Variants in BMPR2 observed in about 807,000 individuals in gnomAD.
BMPR2 encodes the protein bone morphogenetic protein receptor type-2.
BMPR2 carries 29 observed loss-of-function variants against 100.8 expected under a neutral mutation model. The ratio of observed to expected loss-of-function variants is 0.29; its 90% CI spans 0.21 to 0.39. BMPR2 has a LOEUF of 0.39. BMPR2 is among the 10% of genes least tolerant of loss of function. The pLI, the probability that BMPR2 is intolerant of heterozygous loss-of-function variation, is 1.00. For synonymous variants in BMPR2, 382 were observed against 442.3 expected, an observed-to-expected ratio of 0.86 and a Z score of 1.71; for missense variants, 1,011 against 1,274.5, an observed-to-expected ratio of 0.79 and a Z score of 3.15.
intron 1 of BMPR2, among the ~76,000 whole-genome samples, chr2:202,382,281 A>G (rs577054829): frequency 6.6e-6 from 1 of 152,152 alleles, no homozygotes; most frequent in South Asian, 2.1e-4. Flanking sequence ...GCCGGTCTCG[A>G]ACTCCTGATC....
intron 2 of BMPR2, 101 bp downstream of exon 2, chr2:202,465,080 G>A: frequency 6.8e-7 from 1 of 1,469,566 alleles, no homozygotes; most frequent in Non-Finnish European, 9.4e-7. Flanking sequence ...CAGAAAAACA[G>A]TGAATTTAAA....
At chr2:202,440,722 G>T (rs1217572824) in intron 1 of BMPR2, among the ~76,000 whole-genome samples, 3 of 150,462 alleles carry the variant, frequency 2.0e-5, no homozygotes, top group Non-Finnish European at 4.4e-5. Flanking sequence ...AGGCAGGGAG[G>T]TTGCAGTGAG....
Position 202,376,597 on chromosome 2 carries a change from G to A in BMPR2, c.-878G>A, listed in dbSNP as rs1466363523. ...TTGTGATTCGCTCACAGGAGCCATTGACGGGAGAAGAGGAGGCTTTCTTGG... is the reference window on the plus strand; with the variant it reads ...TTGTGATTCGCTCACAGGAGCCATTAACGGGAGAAGAGGAGGCTTTCTTGG... On this transcript the variant is annotated 5_prime_UTR_variant, in exon 1 of 13. Transcript: ENST00000374580. 2.9e-5 allele frequency among the ~76,000 whole-genome samples: 4 copies of A among 140,148 alleles called. No individual in the cohort carries two copies. The East Asian group carries it at 8.6e-4, about 30-fold the overall frequency. The allele number at this position is 140,148 out of a possible 152,430, so 91.9% of individuals were successfully genotyped here.
At chr2:202,535,622 C>T (rs1406419000) in intron 9 of BMPR2, among the ~76,000 whole-genome samples, 2 of 151,342 alleles carry the variant, frequency 1.3e-5, no homozygotes, top group Non-Finnish European at 2.9e-5. Context: ...GGCAGAGGGG[C>T]TCCTCACATC....
At chr2:202,546,665 G>A (rs1444692952) in intron 10 of BMPR2, among the ~76,000 whole-genome samples, 2 of 152,104 alleles carry the variant, frequency 1.3e-5, no homozygotes, top group African/African-American at 4.8e-5. Flanking sequence ...GTGCAGTGGC[G>A]CAATCTCAGC....
chr2:202,489,888 C>G (rs1692866165), intron 3 of BMPR2, among the ~76,000 whole-genome samples: 1 of 152,188 alleles, frequency 6.6e-6, no homozygotes, highest in African/African-American at 2.4e-5. Context: ...AATACTTCAT[C>G]AGCAAGCCAC....
At chr2:202,385,360 G>GTTTTTTTT (rs1690404553) in intron 1 of BMPR2, among the ~76,000 whole-genome samples, 45 of 110,308 alleles carry the variant, frequency 4.1e-4, no homozygotes, top group Non-Finnish European at 6.0e-4. Context: ...AAAAAAAGAT[G>GTTTTTTTT]CTTTTTTTTT....
chr2:202,505,320 A>G (rs903047541), intron 3 of BMPR2: 4 of 148,494 alleles, frequency 2.7e-5, no homozygotes, highest in Admixed American at 6.7e-5. Flanking sequence ...TATCCTGTAG[A>G]GGACACTCTC....
At chr2:202,543,191 C>T (rs1688309002) in intron 10 of BMPR2, among the ~76,000 whole-genome samples, 1 of 101,444 alleles carries the variant, frequency 9.9e-6, no homozygotes, top group African/African-American at 4.6e-5. Context: ...AAAAAAAAAG[C>T]ATATATATAT....
chr2:202,433,062 G>T (rs1388605491), intron 1 of BMPR2, among the ~76,000 whole-genome samples: 1 of 150,076 alleles, frequency 6.7e-6, no homozygotes, highest in Non-Finnish European at 1.5e-5. Flanking sequence ...TAACCTTTGA[G>T]GCTGAAAATC....
chr2:202,539,596 ATG>A (rs139308439), intron 9 of BMPR2, among the ~76,000 whole-genome samples: 5,418 of 152,236 alleles, frequency 0.036, 313 homozygotes, highest in African/African-American at 0.12. Context: ...TGGAAACACT[ATG>A]TAATGAAGGT....
At chr2:202,506,416 T>G (rs1315155801) in intron 3 of BMPR2, among the ~76,000 whole-genome samples, 1 of 152,114 alleles carries the variant, frequency 6.6e-6, no homozygotes, top group Non-Finnish European at 1.5e-5. Context: ...TCCACCCACC[T>G]TGGCCTCCAC....
chr2:202,464,656 G>A (rs557567077), intron 1 of BMPR2, among the ~76,000 whole-genome samples, 153 bp from the exon 2 acceptor site: 12 of 152,250 alleles, frequency 7.9e-5, no homozygotes, highest in South Asian at 2.1e-4. Context: ...ACAGAAGAAC[G>A]TCATTGAATG....
At chr2:202,417,102 C>T (rs924589615) in intron 1 of BMPR2, among the ~76,000 whole-genome samples, 5 of 152,080 alleles carry the variant, frequency 3.3e-5, no homozygotes, top group Non-Finnish European at 7.4e-5. Context: ...TCCCAAAATG[C>T]TGGGATTACA....
At chr2:202,543,734 G>A (rs1302636960) in intron 10 of BMPR2, among the ~76,000 whole-genome samples, 1 of 151,926 alleles carries the variant, frequency 6.6e-6, no homozygotes, top group African/African-American at 2.4e-5. Context: ...ATTATTAAAT[G>A]ATTTATGTTT....
At chr2:202,431,172 T>A (rs956304135) in intron 1 of BMPR2, among the ~76,000 whole-genome samples, 1 of 150,668 alleles carries the variant, frequency 6.6e-6, no homozygotes, top group African/African-American at 2.5e-5. Context: ...GTGTCCATCA[T>A]GTCTCCTTTG....
At chr2:202,390,184 AT>A (rs2105902165) in intron 1 of BMPR2, among the ~76,000 whole-genome samples, 1 of 152,246 alleles carries the variant, frequency 6.6e-6, no homozygotes, top group African/African-American at 2.4e-5. Flanking sequence ...AAGTTTTGTG[AT>A]TATTGATCTG....
intron 9 of BMPR2, among the ~76,000 whole-genome samples, chr2:202,537,351 T>C (rs1688179954): frequency 6.6e-6 from 1 of 152,218 alleles, no homozygotes; most frequent in South Asian, 2.1e-4. Flanking sequence ...GAAAAACTAC[T>C]GTGTTCAAAG....
rs541165322 is a variant in BMPR2, at chr2:202,564,389, G to A, written c.*4443G>A. The A allele has an allele frequency of 1.3e-5, 2 of 152,140 alleles. No homozygotes were observed. Among genetic ancestry groups the A allele is most frequent in the African/African-American group, 4.8e-5 (2 of 41,512 alleles). 9.4% of individuals were successfully genotyped at this position (152,140 alleles called of 1,614,324 possible). ...TCTAACTTCTTAAAGTTAAAATCCGGACACACATGTTGATTATCTAGACCA... is the reference window on the plus strand; with the variant it reads ...TCTAACTTCTTAAAGTTAAAATCCGAACACACATGTTGATTATCTAGACCA... On this transcript the variant is annotated 3_prime_UTR_variant, in exon 13 of 13. Transcript: ENST00000374580.
Sources: allele counts gnomAD v4.1 joint callset (sites outside exome capture counted in the v4.1 genomes callset), GRCh38; gene constraint gnomAD v4.1.1; transcripts MANE v1.5; gene names NCBI Gene and HGNC (gene_info 2026-07-23, HGNC 2026-07-21).